MICU2: variants seen among roughly 807,000 people sequenced by gnomAD.
MICU2 encodes the protein calcium uptake protein 2, mitochondrial.
Under a neutral mutation model 60.4 loss-of-function variants are expected in MICU2, and 64 were observed. The ratio of observed to expected loss-of-function variants is 1.06; its 90% CI spans 0.87 to 1.31. The LOEUF (loss-of-function observed/expected upper bound fraction) is 1.31, where lower values mean the gene tolerates loss of function less well. Among genes scored for constraint, MICU2 ranks in the 50% most tolerant of loss-of-function variants. The pLI is 0.00. For missense variants in MICU2, 569 were observed against 531.0 expected (o/e 1.07, Z -0.70); for synonymous variants, 201 against 175.0 (o/e 1.15, Z -1.17).
chr13:21,601,090 C>T (rs1405023236), intron 1 of MICU2, among the ~76,000 whole-genome samples: 1 of 152,120 alleles, frequency 6.6e-6, no homozygotes, highest in Non-Finnish European at 1.5e-5. Context: ...GCCACCAGGC[C>T]CGGCCGGACA....
chr13:21,563,361 A>G (rs112488994), intron 2 of MICU2, among the ~76,000 whole-genome samples: 4,378 of 152,140 alleles, frequency 0.029, 207 homozygotes, highest in African/African-American at 0.1. Context: ...AGGCTGAGGC[A>G]GGAGAATGGC....
chr13:21,497,890 A>G (rs187906688), intron 9 of MICU2, among the ~76,000 whole-genome samples: 346 of 152,296 alleles, frequency 2.3e-3, no homozygotes, highest in Non-Finnish European at 3.4e-3. Context: ...CTGGGACTAC[A>G]GACACAGAGC....
intron 2 of MICU2, among the ~76,000 whole-genome samples, chr13:21,561,945 A>G (rs1887855622): frequency 7.2e-6 from 1 of 139,832 alleles, no homozygotes; most frequent in Non-Finnish European, 1.5e-5. Context: ...CCCATCTATG[A>G]GTGAGAACAT....
chr13:21,567,895 ATCC>A (rs1220502625), intron 1 of MICU2, among the ~76,000 whole-genome samples: 1 of 152,190 alleles, frequency 6.6e-6, no homozygotes, highest in African/African-American at 2.4e-5. Context: ...CTACCACACT[ATCC>A]TCCTACACAT....
At chr13:21,522,556 A>G in intron 5 of MICU2, 47 bp downstream of exon 5, 6 of 1,463,914 alleles carry the variant, frequency 4.1e-6, no homozygotes, top group Non-Finnish European at 5.6e-6. Context: ...GTTTGGTAAG[A>G]ACAGAGAATT....
chr13:21,594,224 T>C (rs1888645078), intron 1 of MICU2, among the ~76,000 whole-genome samples: 1 of 152,074 alleles, frequency 6.6e-6, no homozygotes, highest in Non-Finnish European at 1.5e-5. Context: ...GGGCAAAGGA[T>C]ATGAACAGAC....
chr13:21,501,314 G>C (rs909732687), intron 9 of MICU2, among the ~76,000 whole-genome samples: 6 of 151,630 alleles, frequency 4.0e-5, no homozygotes, highest in Non-Finnish European at 5.9e-5. Flanking sequence ...CCAGGCTGGA[G>C]TGCAGTGGCG....
intron 1 of MICU2, among the ~76,000 whole-genome samples, chr13:21,597,077 T>A (rs181224371): frequency 1.1e-4 from 16 of 152,318 alleles, no homozygotes; most frequent in African/African-American, 3.4e-4. Context: ...AATCTTGCTA[T>A]ATAAAGACAA....
intron 2 of MICU2, among the ~76,000 whole-genome samples, chr13:21,554,701 C>CA (rs747013172): frequency 1.3e-5 from 2 of 151,986 alleles, no homozygotes; most frequent in African/African-American, 4.8e-5. Context: ...AATAGAGATA[C>CA]AAAAAATCCT....
At chr13:21,566,719 GT>G in intron 2 of MICU2, 77 bp downstream of exon 2, 3 of 1,203,808 alleles carry the variant, frequency 2.5e-6, no homozygotes, top group Non-Finnish European at 3.4e-6. Context: ...AAGAAAAGCT[GT>G]TATCAATCCT....
intron 4 of MICU2, among the ~76,000 whole-genome samples, chr13:21,526,003 T>C (rs2138173273): frequency 6.6e-6 from 1 of 151,810 alleles, no homozygotes; most frequent in East Asian, 1.9e-4. Context: ...GGCACAGTAG[T>C]GGTTCACTGC....
intron 6 of MICU2, among the ~76,000 whole-genome samples, chr13:21,514,644 T>C (rs1886521026): frequency 6.6e-6 from 1 of 151,856 alleles, no homozygotes; most frequent in African/African-American, 2.4e-5. Context: ...GCTATTCTCC[T>C]GCCTCAGCCT....
At chr13:21,587,183 T>C (rs557705089) in intron 1 of MICU2, among the ~76,000 whole-genome samples, 44 of 152,240 alleles carry the variant, frequency 2.9e-4, no homozygotes, top group African/African-American at 8.4e-4. Context: ...TATGGGGCAA[T>C]TGAGTATCAA....
At chr13:21,536,142 C>G (rs1315081287) in intron 4 of MICU2, among the ~76,000 whole-genome samples, 1 of 152,042 alleles carries the variant, frequency 6.6e-6, no homozygotes, top group Non-Finnish European at 1.5e-5. Context: ...GATAAGTAGA[C>G]AGTTTAGTAT....
At chr13:21,514,611 G>A (rs200120885) in intron 6 of MICU2, among the ~76,000 whole-genome samples, 193 bp from the exon 7 acceptor site, 1 of 151,556 alleles carries the variant, frequency 6.6e-6, no homozygotes, top group East Asian at 1.9e-4. Flanking sequence ...TCGGCTTACT[G>A]CAAGTTTCGC....
At chr13:21,516,239 C>G (rs1886567384) in intron 6 of MICU2, among the ~76,000 whole-genome samples, 1 of 152,008 alleles carries the variant, frequency 6.6e-6, no homozygotes, top group African/African-American at 2.4e-5. Context: ...TATTCTTGTT[C>G]CCACAGAGAC....
intron 1 of MICU2, among the ~76,000 whole-genome samples, chr13:21,602,349 C>G (rs751712235): frequency 6.6e-6 from 1 of 151,982 alleles, no homozygotes; most frequent in African/African-American, 2.4e-5. Flanking sequence ...GGTGAAACCC[C>G]GTCTCTACTA....
chr13:21,575,213 A>T (rs1254044446), intron 1 of MICU2, among the ~76,000 whole-genome samples: 1 of 152,052 alleles, frequency 6.6e-6, no homozygotes, highest in East Asian at 1.9e-4. Flanking sequence ...ATAGATTTCT[A>T]TCTGGAGAAC....
At chr13:21,591,448 G>A (rs115497715) in intron 1 of MICU2, among the ~76,000 whole-genome samples, 4,458 of 152,274 alleles carry the variant, frequency 0.029, 206 homozygotes, top group African/African-American at 0.1. Context: ...ACACCCCACT[G>A]TCAGTATTGG....
Sources: gnomAD v4.1 joint callset for allele counts (sites outside exome capture counted in the v4.1 genomes callset) on GRCh38, gnomAD v4.1.1 for gene constraint, MANE v1.5 for transcripts, NCBI Gene and HGNC (gene_info 2026-07-23, HGNC 2026-07-21) for gene names.